The following EME1 variants were observed in gnomAD, a reference collection of about 807,000 sequenced individuals.
EME1 encodes the protein essential meiotic structure-specific endonuclease 1.
Under a neutral mutation model 59.1 loss-of-function variants are expected in EME1, and 61 were observed. The ratio of observed to expected loss-of-function variants is 1.03; its 90% CI spans 0.84 to 1.28. The LOEUF is 1.28. Among genes scored for constraint, EME1 ranks in the 50% most tolerant of loss-of-function variants. The pLI is 0.00. For missense variants in EME1, 635 were observed against 682.6 expected (o/e 0.93, Z 0.78); for synonymous variants, 230 against 254.2 (o/e 0.90, Z 0.90).
At position 50,375,635 on chromosome 17, in the gene EME1, C is replaced by T. The variant is rs1212953599; in HGVS notation, c.427C>T (p.Pro143Ser). 7 of 1,613,816 alleles carry T rather than the reference C, an allele frequency of 4.3e-6. No homozygotes were observed. Among genetic ancestry groups the T allele is most frequent in the Non-Finnish European group, 5.9e-6 (7 of 1,180,004 alleles). The part of the protein sequence containing the change: ...CDWKKPFPKI[P>S]EVPLHDTPER... ...CTGGAAAAAGCCCTTTCCAAAGATCCCTGAAGTTCCCCTCCATGATACCCC... is the reference window on the plus strand; with the variant it reads ...CTGGAAAAAGCCCTTTCCAAAGATCTCTGAAGTTCCCCTCCATGATACCCC... The change falls in exon 2 of 9, where the codon CCT becomes TCT. Residue 143 changes from proline to serine, a missense_variant. Pro to Ser is a moderately conservative substitution (Grantham distance 74, BLOSUM62 -1). Coordinates refer to ENST00000338165, the MANE Select transcript of EME1 (RefSeq NM_152463.4).
In EME1 at chr17:50,375,332, G is replaced by C. The variant is rs766214551; in HGVS notation, c.124G>C (p.Glu42Gln). Reference protein sequence around the residue: ...STKRRQPEREEKIVVVDISDC... With the variant: ...STKRRQPEREQKIVVVDISDC... The stretch of plus-strand genomic sequence containing the variant: ...AAAGAGGAGACAGCCTGAAAGGGAA[G>C]AGAAGATTGTAGTGGTTGACATCTC... The change falls in exon 2 of 9, where the codon GAG (glutamate) becomes CAG (glutamine). Residue 42 changes from glutamate (E) to glutamine (Q), a missense_variant. Glu to Gln is a conservative substitution (Grantham distance 29). Coordinates refer to ENST00000338165, the MANE Select transcript of EME1 (RefSeq NM_152463.4). 7.4e-6 allele frequency: 12 copies of C among 1,614,224 alleles called. No individual in the cohort carries two copies. Among genetic ancestry groups the C allele is most frequent in the Non-Finnish European group, 1.0e-5 (12 of 1,180,042 alleles).
chr17:50,378,477 A>G (rs2143321450), intron 3 of EME1, 118 bp from the exon 4 acceptor site: 1 of 925,128 alleles, frequency 1.1e-6, no homozygotes, highest in Non-Finnish European at 1.7e-6. Context: ...CATTCCAGAA[A>G]GGATAATGCA....
At chr17:50,375,159 G>C (rs1210934614) in intron 1 of EME1, 26 bp from the exon 2 acceptor site, 2 of 1,575,410 alleles carry the variant, frequency 1.3e-6, no homozygotes, top group South Asian at 2.4e-5. Context: ...GCTCCAGTCT[G>C]TGTCATATGT....
In EME1 at chr17:50,379,145, A is replaced by C; in HGVS notation, c.1151A>C (p.Asn384Thr). ...NPPRRGKQGANKQTKKQQQRQ... is the reference protein window; with the variant it reads ...NPPRRGKQGATKQTKKQQQRQ... ...CCAAGAAGAGGGAAACAGGGAGCAAATAAACAGACCAAGAAGCAGCAGCAG... is the reference window on the plus strand; with the variant it reads ...CCAAGAAGAGGGAAACAGGGAGCAACTAAACAGACCAAGAAGCAGCAGCAG... The change falls in exon 6 of 9, where the codon AAT (asparagine) becomes ACT (threonine). Residue 384 changes from asparagine to threonine, a missense_variant. Physicochemically the swap from Asn to Thr is moderately conservative, Grantham distance 65 (BLOSUM62 0). Transcript: ENST00000338165. 1 of 1,614,166 alleles carries C rather than the reference A, an allele frequency of 6.2e-7. No homozygotes were observed. The highest frequency in any genetic ancestry group is 8.5e-7 in the Non-Finnish European group (1 of 1,180,024).
chr17:50,379,931 A>G (rs1334406381), intron 7 of EME1: 3 of 294,272 alleles, frequency 1.0e-5, no homozygotes, highest in Non-Finnish European at 1.3e-5. Flanking sequence ...AGAATTTAAA[A>G]TAAGTAAATG....
At chr17:50,378,486 C>A in intron 3 of EME1, 109 bp from the exon 4 acceptor site, 1 of 994,798 alleles carries the variant, frequency 1.0e-6, no homozygotes. Flanking sequence ...AAGGATAATG[C>A]ATAAGGGGTG....
rs1913611075 is a variant in EME1 at position 50,378,680 on chromosome 17, AG to A, written c.990+1del. On this transcript the variant is annotated frameshift_variant and splice_region_variant, in exon 4 of 9. Transcript: ENST00000338165. LOFTEE classifies it high-confidence loss of function. The stretch of plus-strand genomic sequence containing the variant: ...GTGTCCATGATCGACAATGGAAAGC[AG>A]GTGGGCAGAGCCAGAGGGTGGGAGG... Reference protein sequence around the residue: ...AFVSMIDNGKQGSLDSTMKGK... With the variant: ...AFVSMIDNGKXGSLDSTMKGK... 1 of 1,614,158 alleles carries A rather than the reference AG, an allele frequency of 6.2e-7. No homozygotes were observed. The highest frequency in any genetic ancestry group is 8.5e-7 in the Non-Finnish European group (1 of 1,180,002).
intron 3 of EME1, among the ~76,000 whole-genome samples, chr17:50,377,310 G>A (rs761994617): frequency 1.3e-5 from 2 of 152,200 alleles, no homozygotes; most frequent in Non-Finnish European, 2.9e-5. Context: ...CACAGGTGGG[G>A]AAACTGGGGC....
chr17:50,378,950 G>T (rs1472526755), intron 5 of EME1, 55 bp downstream of exon 5: 10 of 1,613,696 alleles, frequency 6.2e-6, no homozygotes, highest in South Asian at 1.1e-5. Flanking sequence ...TGGGCCAAGG[G>T]GGGTGAGTTT....
rs192308822 is a variant in EME1, at chr17:50,376,284, C to A, written c.903+91C>A. The A allele has an allele frequency of 5.2e-5, 80 of 1,540,072 alleles. No homozygotes were observed. The Admixed American group carries it at 8.1e-4, about 16-fold the overall frequency. On this transcript the variant is annotated intron_variant, in intron 3 of 8. Coordinates refer to ENST00000338165, the MANE Select transcript of EME1 (RefSeq NM_152463.4). Reference sequence around the variant, plus strand: ...TTATTTTAAAGGATACTTATCAGGGCCCCAGCAGGAAGACAGATGGCACAT... The same window carrying A: ...TTATTTTAAAGGATACTTATCAGGGACCCAGCAGGAAGACAGATGGCACAT...
At chr17:50,374,771 G>A (rs2143296952) in intron 1 of EME1, among the ~76,000 whole-genome samples, 1 of 152,204 alleles carries the variant, frequency 6.6e-6, no homozygotes, top group African/African-American at 2.4e-5. Context: ...ACTTGAACCT[G>A]GGAGTGAGGT....
chr17:50,378,950 G>A (rs1472526755), intron 5 of EME1, 55 bp downstream of exon 5: 1 of 1,613,696 alleles, frequency 6.2e-7, no homozygotes, highest in East Asian at 2.2e-5. Context: ...TGGGCCAAGG[G>A]GGGTGAGTTT....
intron 8 of EME1, 90 bp downstream of exon 8, chr17:50,380,591 CA>C: frequency 6.4e-7 from 1 of 1,554,550 alleles, no homozygotes; most frequent in Non-Finnish European, 8.7e-7. Flanking sequence ...TGAGGGCCCA[CA>C]AAGGCCTCAC....
chr17:50,380,821 T>G lies in EME1; in HGVS notation c.1595T>G (p.Val532Gly), dbSNP rs1307744446. The G allele has an allele frequency of 4.3e-6, 7 of 1,614,182 alleles. No individual in the cohort carries two copies. Among genetic ancestry groups the G allele is most frequent in the Non-Finnish European group, 5.1e-6 (6 of 1,180,030 alleles). Residue 532 changes from valine to glycine, a missense_variant, in exon 9 of 9, where the codon GTG becomes GGG. Transcript: ENST00000338165. Reference sequence around the variant, plus strand: ...CAGAATTTGCTCGCAGACATACAGGTGCGCCGTGGGGAAGGTGTGACATCC... The same window carrying G: ...CAGAATTTGCTCGCAGACATACAGGGGCGCCGTGGGGAAGGTGTGACATCC... ...ERQNLLADIQ[V>G]RRGEGVTSTS...
intron 1 of EME1, among the ~76,000 whole-genome samples, chr17:50,374,280 C>T (rs557540741): frequency 3.4e-4 from 51 of 152,178 alleles, no homozygotes; most frequent in African/African-American, 9.6e-4. Context: ...CTCTGTCACC[C>T]GGGCTGGAGT....
rs1913590757 is a variant in EME1, at chr17:50,378,498, G to T, written c.904-97G>T. ...AGAAAGGATAATGCATAAGGGGTGG[G>T]AGTTAGTTCATTCACCCAGAAGACC... is the stretch of plus-strand genomic sequence containing the variant. On this transcript the variant is annotated intron_variant, in intron 3 of 8. Transcript: ENST00000338165. 7 of 1,124,596 alleles carry T rather than the reference G, an allele frequency of 6.2e-6. No individual in the cohort carries two copies. The South Asian group carries it at 6.3e-5, about 10-fold the overall frequency. The allele number at this position is 1,124,596 out of a possible 1,614,324, so 69.7% of individuals were successfully genotyped here. A position where few individuals can be genotyped will look rare whatever the true frequency, so the allele number is the denominator to read the frequency against.
At chr17:50,377,887 C>T (rs1913556574) in intron 3 of EME1, among the ~76,000 whole-genome samples, 1 of 151,988 alleles carries the variant, frequency 6.6e-6, no homozygotes, top group Non-Finnish European at 1.5e-5. Flanking sequence ...TCCCAAGTAG[C>T]TGGGATTACA....
Position 50,380,931 on chromosome 17 carries a change from G to A in EME1, c.1705G>A (p.Ala569Thr), listed in dbSNP as rs1188456601. Residue 569 changes from alanine (A) to threonine (T), a missense_variant, in exon 9 of 9, where the codon GCT becomes ACT. Ala to Thr is a moderately conservative substitution (Grantham distance 58). Transcript: ENST00000338165. Reference protein sequence around the residue: ...TLQPHLSLDSAD With the variant: ...TLQPHLSLDSTD ...ACAGCCACATCTCTCTTTAGATAGTGCTGACTGATTCTAGCCCTCAGGGAT... is the reference window on the plus strand; with the variant it reads ...ACAGCCACATCTCTCTTTAGATAGTACTGACTGATTCTAGCCCTCAGGGAT... The A allele has an allele frequency of 1.2e-6, 2 of 1,614,102 alleles. No individual in the cohort carries two copies. Among genetic ancestry groups the A allele is most frequent in the South Asian group, 1.1e-5 (1 of 91,088 alleles).
rs141753068 is a variant in EME1 at position 50,375,841 on chromosome 17, C to A, written c.633C>A (p.His211Gln). ...AGAAGGTCCAGGGAAGAGGCTCACA[C>A]GGATGCCGGCAGCAGAGACAAGCAA... is the stretch of plus-strand genomic sequence containing the variant. ...PSQKVQGRGS[H>Q]GCRQQRQARQ... is the part of the protein sequence containing the mutation. The change falls in exon 2 of 9, where the codon CAC (histidine) becomes CAA (glutamine). Residue 211 changes from histidine to glutamine, a missense_variant. His to Gln is a conservative substitution (Grantham distance 24). Transcript: ENST00000338165. The A allele has an allele frequency of 4.8e-4, 782 of 1,614,148 alleles. 12 individuals carry two copies. In the South Asian group the frequency reaches 8.1e-3, roughly 17 times the overall value.
Sources: gnomAD v4.1 joint callset for allele counts (sites outside exome capture counted in the v4.1 genomes callset) on GRCh38, gnomAD v4.1.1 for gene constraint, MANE v1.5 for transcripts, NCBI Gene and HGNC (gene_info 2026-07-23, HGNC 2026-07-21) for gene names.